The following INPP5A variants were observed in gnomAD, a reference collection of about 807,000 sequenced individuals.
The protein encoded by INPP5A is inositol polyphosphate-5-phosphatase A.
Under a neutral mutation model 65.2 loss-of-function variants are expected in INPP5A, and 14 were observed. That is an observed-to-expected ratio of 0.21 (90% CI 0.14 to 0.34). The LOEUF is 0.34. Among genes scored for constraint, INPP5A ranks in the 10% least tolerant of loss-of-function variants. The pLI is 1.00. For synonymous variants in INPP5A, 207 were observed against 208.3 expected, an observed-to-expected ratio of 0.99 and a Z score of 0.05; for missense variants, 431 against 545.6, an observed-to-expected ratio of 0.79 and a Z score of 2.09.
At chr10:132,597,841 G>T (rs1314521973) in intron 1 of INPP5A, among the ~76,000 whole-genome samples, 1 of 148,720 alleles carries the variant, frequency 6.7e-6, no homozygotes, top group Non-Finnish European at 1.5e-5. Flanking sequence ...GTGTTCCGGG[G>T]CTGTGCTATG....
At chr10:132,590,024 G>T (rs2071598454) in intron 1 of INPP5A, among the ~76,000 whole-genome samples, 1 of 152,274 alleles carries the variant, frequency 6.6e-6, no homozygotes, top group Non-Finnish European at 1.5e-5. Flanking sequence ...CTCCTGCACG[G>T]ATGGTTTCAC....
At chr10:132,635,386 AT>A (rs775271931) in intron 2 of INPP5A, among the ~76,000 whole-genome samples, 49 of 54,500 alleles carry the variant, frequency 9.0e-4, no homozygotes, top group Admixed American at 2.7e-3. Context: ...CTTTTTAAAG[AT>A]TTTTTTTTTT....
intron 8 of INPP5A, among the ~76,000 whole-genome samples, chr10:132,715,632 C>T (rs1189489514): frequency 6.6e-6 from 1 of 152,228 alleles, no homozygotes; most frequent in African/African-American, 2.4e-5. Context: ...TTAGACGTTC[C>T]CAGAACTTGC....
Position 132,708,297 on chromosome 10 carries a change from C to T in INPP5A, c.475-16C>T, listed in dbSNP as rs376142223. The T allele has an allele frequency of 4.8e-5, 78 of 1,613,444 alleles. No individual in the cohort carries two copies. The highest frequency in any genetic ancestry group is 1.3e-4 in the East Asian group (6 of 44,884). The stretch of plus-strand genomic sequence containing the variant: ...CACTTACTCTGGCTCATTTGTGTGA[C>T]GTGTTTATTTTTCAGTGCAAATGGT... On this transcript the variant is annotated splice_polypyrimidine_tract_variant and intron_variant, in intron 6 of 15. Transcript: ENST00000368594.
In INPP5A at chr10:132,690,470, C is replaced by A; in HGVS notation, c.370+15C>A. The A allele has an allele frequency of 6.3e-7, 1 of 1,596,930 alleles. No individual in the cohort carries two copies. The highest frequency in any genetic ancestry group is 8.6e-7 in the Non-Finnish European group (1 of 1,165,380). ...TGACTTTAAAGGTAAGACTGCGTGC[C>A]GTCTTCCGGGATTTTGTCTCGGCAC... On this transcript the variant is annotated intron_variant, in intron 5 of 15. Coordinates refer to ENST00000368594, the MANE Select transcript of INPP5A (RefSeq NM_005539.5).
intron 13 of INPP5A, among the ~76,000 whole-genome samples, chr10:132,779,441 C>T (rs184207128): frequency 6.6e-6 from 1 of 152,396 alleles, no homozygotes; most frequent in Non-Finnish European, 1.5e-5. Context: ...GATTGGTGAG[C>T]AGCGCCCAAG....
At chr10:132,548,029 A>T (rs2071001405) in intron 1 of INPP5A, among the ~76,000 whole-genome samples, 1 of 151,744 alleles carries the variant, frequency 6.6e-6, no homozygotes, top group Non-Finnish European at 1.5e-5. Flanking sequence ...CCCCCTTAGT[A>T]GCTGGGATTA....
chr10:132,678,047 C>T lies in INPP5A; in HGVS notation c.307-12345C>T, dbSNP rs371759021. ...CCAGCAGCCAGCCGGGAGAGGGGCTCGGCAGGAGGCCAGACAGGGGGACAC... is the reference window on the plus strand; with the variant it reads ...CCAGCAGCCAGCCGGGAGAGGGGCTTGGCAGGAGGCCAGACAGGGGGACAC... On this transcript the variant is annotated intron_variant, in intron 4 of 15. Coordinates refer to ENST00000368594, the MANE Select transcript of INPP5A (RefSeq NM_005539.5). This position sits in a 1 kb window ranked among gnomAD's most constrained non-coding sequence, Gnocchi z 4.1. 1.1e-4 allele frequency among the ~76,000 whole-genome samples: 17 copies of T among 152,344 alleles called. No homozygotes were observed. Among genetic ancestry groups the T allele is most frequent in the South Asian group, 8.3e-4 (4 of 4,830 alleles).
rs1298613155 is a variant in INPP5A, at chr10:132,741,326, A to G, written c.733-8191A>G. Among the ~76,000 whole-genome samples, 1 of 152,226 alleles carries G rather than the reference A, an allele frequency of 6.6e-6. No homozygotes were observed. Among genetic ancestry groups the G allele is most frequent in the Admixed American group, 6.5e-5 (1 of 15,290 alleles). ...TGGGCTGGCCAGATCTCCGCAGCCT[A>G]ACAGTGGGCAGCTCCGTGTCTGTGG... On this transcript the variant is annotated intron_variant, in intron 9 of 15. Coordinates refer to ENST00000368594, the MANE Select transcript of INPP5A (RefSeq NM_005539.5). The surrounding 1 kb of genome is among the most constrained non-coding windows in gnomAD (Gnocchi z 4.4).
chr10:132,712,490 ATT>A (rs1845659082), intron 8 of INPP5A, among the ~76,000 whole-genome samples: 1 of 142,652 alleles, frequency 7.0e-6, no homozygotes, highest in Admixed American at 7.0e-5. Flanking sequence ...GTACATGTCT[ATT>A]TGGGTGTGTG....
At chr10:132,667,369 A>G (rs914514295) in intron 4 of INPP5A, among the ~76,000 whole-genome samples, 1 of 152,228 alleles carries the variant, frequency 6.6e-6, no homozygotes, top group African/African-American at 2.4e-5. Context: ...GTGTTTTTAA[A>G]ACTGTGGGCC....
intron 1 of INPP5A, among the ~76,000 whole-genome samples, chr10:132,596,731 ATG>A (rs2071694648): frequency 6.6e-6 from 1 of 152,010 alleles, no homozygotes; most frequent in Non-Finnish European, 1.5e-5. Context: ...CGCCCGGCCC[ATG>A]TGTGTGTGCA....
chr10:132,780,739 A>G (rs1338714569), intron 13 of INPP5A, 110 bp from the exon 14 acceptor site: 5 of 886,964 alleles, frequency 5.6e-6, no homozygotes, highest in Non-Finnish European at 9.4e-6. Flanking sequence ...AGGGGCCGAC[A>G]TCCCCATCTC....
intron 3 of INPP5A, among the ~76,000 whole-genome samples, chr10:132,646,812 A>G (rs986434581): frequency 1.1e-4 from 17 of 151,842 alleles, no homozygotes; most frequent in Non-Finnish European, 2.2e-4. Flanking sequence ...CCGCTGCCAC[A>G]CACTGTGGGC....
chr10:132,590,351 G>A (rs181006663), intron 1 of INPP5A, among the ~76,000 whole-genome samples: 50 of 152,240 alleles, frequency 3.3e-4, no homozygotes, highest in African/African-American at 1.2e-3. Context: ...GGGACAGTGC[G>A]GCCTCCATGA....
At chr10:132,594,492 TGTG>T (rs2071659242) in intron 1 of INPP5A, among the ~76,000 whole-genome samples, 4 of 152,052 alleles carry the variant, frequency 2.6e-5, no homozygotes, top group South Asian at 4.2e-4. Flanking sequence ...CGCATAGGCA[TGTG>T]GTGAGTGTGT....
At chr10:132,661,176 C>T (rs1223008452) in intron 4 of INPP5A, among the ~76,000 whole-genome samples, 2 of 152,214 alleles carry the variant, frequency 1.3e-5, no homozygotes, top group African/African-American at 4.8e-5. Context: ...AAAACACAAT[C>T]CAGCACCATG....
rs374974812 is a variant in INPP5A at position 132,616,381 on chromosome 10, G to A, written c.117+8425G>A. ...CGTGGCGTGCGGGGACGCCGTGGGC[G>A]TGGTGTGAGGTATGTGGCGTGCGGG... is the stretch of plus-strand genomic sequence containing the variant. On this transcript the variant is annotated intron_variant, in intron 2 of 15. Transcript: ENST00000368594. The surrounding 1 kb of genome is among the most constrained non-coding windows in gnomAD (Gnocchi z 4.9). Among the ~76,000 whole-genome samples the A allele has an allele frequency of 5.9e-5, 9 of 152,036 alleles. No homozygotes were observed. The highest frequency in any genetic ancestry group is 1.2e-4 in the Non-Finnish European group (8 of 67,972).
chr10:132,712,880 G>T (rs1590946874), intron 8 of INPP5A, among the ~76,000 whole-genome samples: 1 of 150,928 alleles, frequency 6.6e-6, no homozygotes, highest in South Asian at 2.1e-4. Context: ...GTGTAGGCCT[G>T]TGTGGGTGTG....
Sources: gnomAD v4.1 joint callset for allele counts (sites outside exome capture counted in the v4.1 genomes callset) on GRCh38, gnomAD v4.1.1 for gene constraint, Gnocchi (gnomAD v3.1) non-coding constraint, MANE v1.5 for transcripts, NCBI Gene and HGNC (gene_info 2026-07-23, HGNC 2026-07-21) for gene names.